CLUAP1: variants seen among roughly 807,000 people sequenced by gnomAD.
CLUAP1 encodes the protein intraflagellar transport 38.
A neutral mutation model predicts 55.0 loss-of-function variants in CLUAP1; 50 were observed. The observed-to-expected ratio is 0.91, with a 90% CI of 0.72 to 1.15. The LOEUF is 1.15. Among genes scored for constraint, CLUAP1 ranks in the 50% most tolerant of loss-of-function variants. CLUAP1 has a pLI of 0.00. For missense variants in CLUAP1, 530 were observed against 507.6 expected, an observed-to-expected ratio of 1.04 and a Z score of -0.42; for synonymous variants, 195 against 175.4, an observed-to-expected ratio of 1.11 and a Z score of -0.88.
chr16:3,525,114 T>A (rs2037916339), intron 8 of CLUAP1, among the ~76,000 whole-genome samples: 1 of 152,212 alleles, frequency 6.6e-6, no homozygotes, highest in African/African-American at 2.4e-5. Context: ...AATTCATTGC[T>A]AGCATTACTC....
chr16:3,508,936 G>A (rs779872109), intron 4 of CLUAP1, among the ~76,000 whole-genome samples: 12 of 140,662 alleles, frequency 8.5e-5, no homozygotes, highest in African/African-American at 2.3e-4. Context: ...TGCGGGTGGC[G>A]GGTGGCGTCA....
upstream of CLUAP1, chr16:3,500,920 C>T: frequency 1.2e-6 from 1 of 836,022 alleles, no homozygotes; most frequent in Non-Finnish European, 1.9e-6. Context: ...TATGCACGTG[C>T]CGCCGCGTCT....
At chr16:3,531,247 G>T (rs910929847) in intron 10 of CLUAP1, among the ~76,000 whole-genome samples, 1 of 152,172 alleles carries the variant, frequency 6.6e-6, no homozygotes, top group Non-Finnish European at 1.5e-5. Flanking sequence ...TAAGCCAGGC[G>T]CGGTGGCTCA....
intron 4 of CLUAP1, 21 bp downstream of exon 4, chr16:3,508,489 G>C: frequency 6.5e-7 from 1 of 1,535,842 alleles, no homozygotes; most frequent in South Asian, 1.3e-5. Context: ...CAAAAGCCTT[G>C]TAGTGGGCGA....
At chr16:3,508,887 G>A (rs764563404) in intron 4 of CLUAP1, among the ~76,000 whole-genome samples, 2 of 146,766 alleles carry the variant, frequency 1.4e-5, no homozygotes, top group Non-Finnish European at 3.0e-5. Context: ...ATTGGATGGT[G>A]TTTCCAGCAG....
At chr16:3,501,002 G>T (rs2037384431), upstream of CLUAP1, 3 of 1,529,116 alleles carry the variant, frequency 2.0e-6, no homozygotes, top group Admixed American at 5.4e-5. Flanking sequence ...AGATCGTCGA[G>T]CGCTGGGCCT....
In CLUAP1 at chr16:3,538,243, GA is replaced by G. The variant is rs1477362534; in HGVS notation, c.*1974del. On this transcript the variant is annotated 3_prime_UTR_variant, in exon 12 of 12. Transcript: ENST00000576634. Reference sequence around the variant, plus strand: ...ACGAAAAGATACACATAAATTTTAGGAACTTTTGAGTTATTTCTGTCATTTT... The same window carrying G: ...ACGAAAAGATACACATAAATTTTAGGACTTTTGAGTTATTTCTGTCATTTT... 1 of 151,500 alleles carries G rather than the reference GA, an allele frequency of 6.6e-6. No homozygotes were observed. The highest frequency in any genetic ancestry group is 1.5e-5 in the Non-Finnish European group (1 of 67,946). The allele number at this position is 151,500 out of a possible 1,614,324, so 9.4% of individuals were successfully genotyped here. A position where few individuals can be genotyped will look rare whatever the true frequency, so the allele number is the denominator to read the frequency against.
upstream of CLUAP1, chr16:3,496,313 A>G: frequency 9.7e-7 from 1 of 1,034,390 alleles, no homozygotes; most frequent in Non-Finnish European, 1.5e-6. Flanking sequence ...GTTACCGTCC[A>G]GACGAACTAA....
chr16:3,536,028 G>T (rs1434362125), intron 11 of CLUAP1, 94 bp from the exon 12 acceptor site: 18 of 1,461,948 alleles, frequency 1.2e-5, no homozygotes, highest in Middle Eastern at 2.1e-4. Context: ...TTCACACAGG[G>T]ATGCTGCTAT....
intron 3 of CLUAP1, 87 bp downstream of exon 3, chr16:3,506,502 A>G (rs1275614043): frequency 1.9e-6 from 2 of 1,052,886 alleles, no homozygotes; most frequent in Non-Finnish European, 2.9e-6. Context: ...AAACTGTGTA[A>G]TTGAGTTTTT....
intron 3 of CLUAP1, among the ~76,000 whole-genome samples, chr16:3,507,928 A>G (rs73503322): frequency 2.0e-3 from 309 of 152,276 alleles, no homozygotes; most frequent in African/African-American, 7.0e-3. Context: ...TGTAATTTAT[A>G]TAGGTAGGCT....
At position 3,538,185 on chromosome 16, in the gene CLUAP1, C is replaced by G. The variant is rs1348819233; in HGVS notation, c.*1914C>G. The G allele has an allele frequency of 6.6e-6, 1 of 151,966 alleles. No homozygotes were observed. Among genetic ancestry groups the G allele is most frequent in the African/African-American group, 2.4e-5 (1 of 41,436 alleles). 9.4% of individuals were successfully genotyped at this position (151,966 alleles called of 1,614,324 possible). On this transcript the variant is annotated 3_prime_UTR_variant, in exon 12 of 12. Coordinates refer to ENST00000576634, the MANE Select transcript of CLUAP1 (RefSeq NM_015041.3). ...ATATAATTATTGTATTTGTACCTGT[C>G]AGATATAAATACTTATTCAGGAGTT...
At chr16:3,508,239 C>T in intron 3 of CLUAP1, 50 bp from the exon 4 acceptor site, 1 of 1,519,020 alleles carries the variant, frequency 6.6e-7, no homozygotes, top group Non-Finnish European at 8.9e-7. Flanking sequence ...TTAGTTTAGA[C>T]ATTACATGGA....
intron 9 of CLUAP1, among the ~76,000 whole-genome samples, chr16:3,527,293 C>T (rs2037963667): frequency 6.6e-6 from 1 of 152,080 alleles, no homozygotes; most frequent in Admixed American, 6.6e-5. Context: ...ATAATCCTCG[C>T]TCTACAATCA....
chr16:3,513,611 GGC>G (rs1348888771), intron 5 of CLUAP1, among the ~76,000 whole-genome samples: 28 of 151,848 alleles, frequency 1.8e-4, no homozygotes, highest in African/African-American at 6.8e-4. Context: ...CACCACACCC[GGC>G]TAATTTTTGT....
chr16:3,515,483 C>T lies in CLUAP1; in HGVS notation c.496-25C>T, dbSNP rs543272266. The T allele has an allele frequency of 3.2e-5, 49 of 1,518,410 alleles. No homozygotes were observed. In the African/African-American group the frequency reaches 4.6e-4, roughly 14 times the overall value. 94.1% of individuals were successfully genotyped at this position (1,518,410 alleles called of 1,614,324 possible). The stretch of plus-strand genomic sequence containing the variant: ...TGAGAACTCCTTTTCTGAAAATATA[C>T]GTAAATGATTTTACTGTTTCCTAGG... On this transcript the variant is annotated intron_variant, in intron 5 of 11. Coordinates refer to ENST00000576634, the MANE Select transcript of CLUAP1 (RefSeq NM_015041.3).
upstream of CLUAP1, among the ~76,000 whole-genome samples, chr16:3,497,829 T>A (rs1359317818): frequency 1.3e-5 from 2 of 152,114 alleles, no homozygotes; most frequent in African/African-American, 2.4e-5. Flanking sequence ...TTTAATTTTT[T>A]AAATTTTTGC....
intron 11 of CLUAP1, chr16:3,535,662 G>A (rs757613546): frequency 5.8e-4 from 90 of 154,644 alleles, no homozygotes; most frequent in Middle Eastern, 3.4e-3. Flanking sequence ...AGGTTCAAGC[G>A]ATTCTTCTGC....
At chr16:3,512,956 C>A (rs371008361) in intron 5 of CLUAP1, among the ~76,000 whole-genome samples, 7 of 152,004 alleles carry the variant, frequency 4.6e-5, no homozygotes, top group Non-Finnish European at 7.4e-5. Flanking sequence ...CTGGGATTAC[C>A]GGTGTGAGCC....
Sources: allele counts gnomAD v4.1 joint callset (sites outside exome capture counted in the v4.1 genomes callset), GRCh38; gene constraint gnomAD v4.1.1; transcripts MANE v1.5; gene names NCBI Gene and HGNC (gene_info 2026-07-23, HGNC 2026-07-21).